The following TIAM1 variants were observed in gnomAD, a reference collection of about 807,000 sequenced individuals.
The protein encoded by TIAM1 is TIAM Rac1 associated GEF 1, also known as rho guanine nucleotide exchange factor TIAM1.
TIAM1 carries 65 observed loss-of-function variants against 163.5 expected under a neutral mutation model. The observed-to-expected ratio is 0.40, with a 90% CI of 0.33 to 0.49. TIAM1 has a LOEUF of 0.49. Among genes scored for constraint, TIAM1 ranks in the 20% least tolerant of loss-of-function variants. The pLI is 0.77. For synonymous variants in TIAM1, 833 were observed against 810.1 expected, an observed-to-expected ratio of 1.03 and a Z score of -0.48; for missense variants, 1,789 against 2,044.7, an observed-to-expected ratio of 0.87 and a Z score of 2.41.
chr21:31,186,176 C>T (rs1015825881), intron 14 of TIAM1, among the ~76,000 whole-genome samples: 2 of 152,100 alleles, frequency 1.3e-5, no homozygotes, highest in Non-Finnish European at 1.5e-5. Flanking sequence ...CATTTAAGGG[C>T]TAAAATGAAA....
chr21:31,305,627 G>T (rs1261089580), intron 2 of TIAM1, among the ~76,000 whole-genome samples: 1 of 152,150 alleles, frequency 6.6e-6, no homozygotes, highest in African/African-American at 2.4e-5. Context: ...AGAGAAAAGT[G>T]ATTACGACAT....
intron 10 of TIAM1, among the ~76,000 whole-genome samples, chr21:31,211,055 CAG>C (rs574148432): frequency 1.5e-3 from 225 of 152,184 alleles, no homozygotes; most frequent in Non-Finnish European, 2.1e-3. Context: ...GACCCGGCGC[CAG>C]AGACAATTCA....
chr21:31,223,638 A>T (rs768200191), intron 7 of TIAM1, 47 bp from the exon 8 acceptor site: 1 of 1,547,032 alleles, frequency 6.5e-7, no homozygotes, highest in African/African-American at 1.4e-5. Context: ...AAAATGGGAA[A>T]CAAATGCTAA....
intron 12 of TIAM1, 60 bp downstream of exon 12, chr21:31,202,848 C>T (rs369471578): frequency 2.5e-5 from 37 of 1,463,388 alleles, no homozygotes; most frequent in East Asian, 6.8e-5. Context: ...AACACGAGAA[C>T]ACTCATAATT....
chr21:31,463,879 T>C (rs944246825), intron 2 of TIAM1: 1 of 150,714 alleles, frequency 6.6e-6, no homozygotes, highest in Non-Finnish European at 1.5e-5. Context: ...GGCTAGATAA[T>C]AGACAAATAA....
intron 14 of TIAM1, among the ~76,000 whole-genome samples, chr21:31,184,391 C>T (rs983134324): frequency 5.9e-5 from 9 of 152,172 alleles, no homozygotes; most frequent in Non-Finnish European, 1.0e-4. Flanking sequence ...CAGGTGTGAG[C>T]CACCGTGCCC....
At chr21:31,231,257 A>G (rs1244809936) in intron 6 of TIAM1, among the ~76,000 whole-genome samples, 2 of 152,172 alleles carry the variant, frequency 1.3e-5, no homozygotes, top group Non-Finnish European at 2.9e-5. Context: ...CTGAGATTTA[A>G]GTGCTCCTTT....
chr21:31,488,369 G>A (rs2046346449), intron 1 of TIAM1, among the ~76,000 whole-genome samples: 1 of 152,176 alleles, frequency 6.6e-6, no homozygotes, highest in Non-Finnish European at 1.5e-5. Flanking sequence ...TGTATTCAGG[G>A]GGATGGGGAG....
At chr21:31,143,138 C>T (rs1013457902) in intron 20 of TIAM1, among the ~76,000 whole-genome samples, 6 of 152,138 alleles carry the variant, frequency 3.9e-5, no homozygotes, top group African/African-American at 1.4e-4. Flanking sequence ...ACACCCCTCC[C>T]CCATACCTCG....
intron 2 of TIAM1, among the ~76,000 whole-genome samples, chr21:31,351,102 T>G (rs1027725809): frequency 6.6e-6 from 1 of 152,214 alleles, no homozygotes; most frequent in African/African-American, 2.4e-5. Flanking sequence ...ACCAAACATG[T>G]ACAAGTTACT....
chr21:31,241,189 T>C (rs1310604684), intron 6 of TIAM1, among the ~76,000 whole-genome samples: 1 of 152,196 alleles, frequency 6.6e-6, no homozygotes, highest in Admixed American at 6.5e-5. Context: ...GGGTATGTCT[T>C]TATTAGCGGC....
intron 2 of TIAM1, among the ~76,000 whole-genome samples, chr21:31,379,863 G>A (rs1456908421): frequency 1.3e-5 from 2 of 152,196 alleles, no homozygotes; most frequent in African/African-American, 2.4e-5. Context: ...TGGGGATTGG[G>A]TGAGAAGAGC....
intron 2 of TIAM1, among the ~76,000 whole-genome samples, chr21:31,429,930 C>T (rs995041393): frequency 2.6e-5 from 4 of 152,008 alleles, no homozygotes; most frequent in Admixed American, 6.6e-5. Flanking sequence ...CAGGGGGAGC[C>T]GGGAGTGGTG....
At chr21:31,243,310 G>A (rs1447326911) in intron 6 of TIAM1, among the ~76,000 whole-genome samples, 1 of 148,496 alleles carries the variant, frequency 6.7e-6, no homozygotes, top group African/African-American at 2.5e-5. Flanking sequence ...GCAGATTTGA[G>A]TTGGAAGAAA....
At chr21:31,546,315 G>A (rs992581269) in intron 1 of TIAM1, among the ~76,000 whole-genome samples, 2 of 152,008 alleles carry the variant, frequency 1.3e-5, no homozygotes, top group Non-Finnish European at 2.9e-5. Flanking sequence ...ACTTTGGGAG[G>A]TCCAGGCAGG....
chr21:31,144,848 A>AAAAAG (rs58564303), intron 20 of TIAM1, among the ~76,000 whole-genome samples: 78 of 147,874 alleles, frequency 5.3e-4, no homozygotes, highest in African/African-American at 1.8e-3. Flanking sequence ...AAAAAAAAAA[A>AAAAAG]AAAAGAAAAG....
At position 31,303,072 on chromosome 21, in the gene TIAM1, T is replaced by C. The variant is rs111457039; in HGVS notation, c.-188-26164A>G. Reference sequence around the variant, plus strand: ...GAACAAGATACCATTCTAACAACTTTACACAGACATAGTCTAGGAGACATT... The same window carrying C: ...GAACAAGATACCATTCTAACAACTTCACACAGACATAGTCTAGGAGACATT... On this transcript the variant is annotated intron_variant, in intron 2 of 27. Transcript: ENST00000541036. Among the ~76,000 whole-genome samples, 1,056 of 152,270 alleles carry C rather than the reference T, an allele frequency of 6.9e-3. 10 individuals are homozygous for C. Among genetic ancestry groups the C allele is most frequent in the Middle Eastern group, 0.017 (5 of 294 alleles).
intron 11 of TIAM1, among the ~76,000 whole-genome samples, chr21:31,209,406 T>G (rs1288978335): frequency 4.6e-5 from 7 of 152,206 alleles, no homozygotes; most frequent in Non-Finnish European, 1.0e-4. Context: ...TTGAAAAAGA[T>G]CAAGGCATTT....
chr21:31,143,084 G>A (rs556562245), intron 20 of TIAM1, among the ~76,000 whole-genome samples: 14 of 152,178 alleles, frequency 9.2e-5, no homozygotes, highest in African/African-American at 2.7e-4. Flanking sequence ...GCTGTGGCAC[G>A]TCCAGCGTGG....
Sources: gnomAD v4.1 joint callset for allele counts (sites outside exome capture counted in the v4.1 genomes callset) on GRCh38, gnomAD v4.1.1 for gene constraint, MANE v1.5 for transcripts, NCBI Gene and HGNC (gene_info 2026-07-23, HGNC 2026-07-21) for gene names.